Variants in ZNF107 observed in about 807,000 individuals in gnomAD.
ZNF107 encodes zinc finger protein 107.
Under a neutral mutation model 12.3 loss-of-function variants are expected in ZNF107, and 19 were observed. The ratio of observed to expected loss-of-function variants is 1.55; its 90% CI spans 1.08 to 2.27. The LOEUF (loss-of-function observed/expected upper bound fraction) is 2.27, where lower values mean the gene tolerates loss of function less well. Among genes scored for constraint, ZNF107 ranks in the 30% most tolerant of loss-of-function variants. ZNF107 has a pLI of 0.00. For missense variants in ZNF107, 958 were observed against 979.9 expected (o/e 0.98, Z 0.30); for synonymous variants, 317 against 330.5 (o/e 0.96, Z 0.44).
intron 1 of ZNF107, among the ~76,000 whole-genome samples, chr7:64,687,929 T>C (rs1425246805): frequency 6.6e-6 from 1 of 152,200 alleles, no homozygotes; most frequent in Non-Finnish European, 1.5e-5. Flanking sequence ...ACATATAAGG[T>C]GCCAACCAAG....
chr7:64,693,896 C>A (rs1187122331), intron 3 of ZNF107, among the ~76,000 whole-genome samples: 3 of 152,104 alleles, frequency 2.0e-5, no homozygotes, highest in Non-Finnish European at 1.5e-5. Flanking sequence ...TCAAGCGATT[C>A]TCGTGCTTCA....
chr7:64,689,125 G>T (rs551014357), intron 1 of ZNF107, among the ~76,000 whole-genome samples: 8 of 152,168 alleles, frequency 5.3e-5, no homozygotes, highest in Admixed American at 5.2e-4. Flanking sequence ...CTTTCAAGTA[G>T]ACATATTATT....
intron 1 of ZNF107, among the ~76,000 whole-genome samples, chr7:64,672,260 A>G (rs561474065): frequency 6.6e-6 from 1 of 152,270 alleles, no homozygotes; most frequent in Non-Finnish European, 1.5e-5. Flanking sequence ...TGTTGCTGCA[A>G]AGGACGTGCT....
intron 1 of ZNF107, chr7:64,684,499 G>A (rs1319786741): frequency 3.5e-6 from 3 of 850,788 alleles, no homozygotes; most frequent in East Asian, 2.5e-4. Flanking sequence ...CCCTTCCAGA[G>A]TAAAGCTGTG....
intron 1 of ZNF107, among the ~76,000 whole-genome samples, chr7:64,671,779 CTTTTTTT>C (rs1213610930): frequency 2.0e-4 from 23 of 116,554 alleles, no homozygotes; most frequent in Non-Finnish European, 4.1e-4. Flanking sequence ...CCTTTTTGTT[CTTTTTTT>C]TTTTTTTTTT....
intron 1 of ZNF107, among the ~76,000 whole-genome samples, chr7:64,689,179 G>C (rs1158898866): frequency 1.3e-5 from 2 of 152,016 alleles, no homozygotes; most frequent in African/African-American, 4.8e-5. Context: ...CTCTCCTTTG[G>C]TTGTGCTCCA....
At chr7:64,683,108 C>T (rs958987593) in intron 1 of ZNF107, among the ~76,000 whole-genome samples, 9 of 152,234 alleles carry the variant, frequency 5.9e-5, no homozygotes, top group African/African-American at 2.2e-4. Context: ...CCACCCTCCA[C>T]CACCTCTCAG....
chr7:64,684,565 T>C (rs1789823638), intron 1 of ZNF107: 2 of 985,084 alleles, frequency 2.0e-6, no homozygotes, highest in African/African-American at 3.5e-5. Context: ...GCAAGTACTC[T>C]CCCCGACCTC....
At chr7:64,686,999 A>G (rs1038935945) in intron 1 of ZNF107, 5 of 985,346 alleles carry the variant, frequency 5.1e-6, no homozygotes, top group Non-Finnish European at 6.0e-6. Context: ...TACTGAGGGT[A>G]GCTGTGCACT....
At chr7:64,673,206 G>T (rs1789299504) in intron 1 of ZNF107, among the ~76,000 whole-genome samples, 1 of 152,096 alleles carries the variant, frequency 6.6e-6, no homozygotes, top group African/African-American at 2.4e-5. Context: ...ACCGTGCCTG[G>T]CTAATTTTTG....
chr7:64,690,324 GAGCAGA>G, intron 1 of ZNF107: 1 of 978,008 alleles, frequency 1.0e-6, no homozygotes, highest in Non-Finnish European at 1.2e-6. Context: ...TTGATGGGTT[GAGCAGA>G]GTAATATATA....
intron 1 of ZNF107, among the ~76,000 whole-genome samples, chr7:64,672,609 T>A (rs1226246705): frequency 6.6e-6 from 1 of 152,200 alleles, no homozygotes; most frequent in East Asian, 1.9e-4. Flanking sequence ...CAAATCTGCA[T>A]GCCTCAGCTT....
At chr7:64,687,550 C>T in intron 1 of ZNF107, 2 of 985,388 alleles carry the variant, frequency 2.0e-6, no homozygotes, top group East Asian at 2.3e-4. Flanking sequence ...AGACGGCAAG[C>T]AGGAGGCACC....
Position 64,708,154 on chromosome 7 carries a change from A to C in ZNF107, c.2057A>C (p.Tyr686Ser), listed in dbSNP as rs752128707. 1 of 1,611,328 alleles carries C rather than the reference A, an allele frequency of 6.2e-7. No individual in the cohort carries two copies. The highest frequency in any genetic ancestry group is 1.3e-5 in the African/African-American group (1 of 74,624). The change falls in exon 4 of 4, where the codon TAT becomes TCT. Residue 686 changes from tyrosine to serine, a missense_variant. Transcript: ENST00000620827. ...AAATGTGAAGAATGTGGAAAAGCTT[A>C]TAACCGATTCTCAAACCTAACTATA... ...PHKCEECGKA[Y>S]NRFSNLTIHK...
At chr7:64,684,976 C>A (rs1247548701) in intron 1 of ZNF107, among the ~76,000 whole-genome samples, 2 of 152,160 alleles carry the variant, frequency 1.3e-5, no homozygotes, top group Non-Finnish European at 2.9e-5. Flanking sequence ...CGTTGCCACT[C>A]TCATTCCCAC....
intron 1 of ZNF107, chr7:64,684,683 A>G: frequency 1.0e-6 from 1 of 985,426 alleles, no homozygotes; most frequent in Non-Finnish European, 1.2e-6. Flanking sequence ...TCCTGGTTTC[A>G]TCCCCAAACT....
chr7:64,692,824 T>C (rs1790159444), intron 3 of ZNF107, among the ~76,000 whole-genome samples: 1 of 151,706 alleles, frequency 6.6e-6, no homozygotes. Context: ...GATGGAACCA[T>C]AATTTATACT....
At chr7:64,702,154 T>A (rs943318133) in intron 3 of ZNF107, among the ~76,000 whole-genome samples, 1 of 130,938 alleles carries the variant, frequency 7.6e-6, no homozygotes, top group Non-Finnish European at 1.8e-5. Context: ...AAAACAGTTT[T>A]ATTTTTTTTT....
At chr7:64,671,630 T>C (rs1415435512) in intron 1 of ZNF107, among the ~76,000 whole-genome samples, 1 of 152,220 alleles carries the variant, frequency 6.6e-6, no homozygotes, top group Non-Finnish European at 1.5e-5. Context: ...CATGGATTTT[T>C]TTCCTTTTAA....
Sources: gnomAD v4.1 joint callset for allele counts (sites outside exome capture counted in the v4.1 genomes callset) on GRCh38, gnomAD v4.1.1 for gene constraint, MANE v1.5 for transcripts, NCBI Gene and HGNC (gene_info 2026-07-23, HGNC 2026-07-21) for gene names.